NAALADL2: variants seen among roughly 807,000 people sequenced by gnomAD.
NAALADL2 encodes N-acetylated alpha-linked acidic dipeptidase like 2.
NAALADL2 carries 76 observed loss-of-function variants against 87.2 expected under a neutral mutation model. That is an observed-to-expected ratio of 0.87 (90% CI 0.72 to 1.05). The LOEUF (loss-of-function observed/expected upper bound fraction) is 1.05. Ranked by LOEUF, NAALADL2 falls within the 50% of genes least tolerant of loss-of-function variation. The probability of loss-of-function intolerance (pLI) is 0.00; values close to 1 mark genes in which losing one functional copy is unlikely to be tolerated. For synonymous variants in NAALADL2, 354 were observed against 331.0 expected, an observed-to-expected ratio of 1.07 and a Z score of -0.75; for missense variants, 1,089 against 945.8, an observed-to-expected ratio of 1.15 and a Z score of -1.99.
chr3:175,795,721 AAG>A (rs2108317057), intron 13 of NAALADL2, among the ~76,000 whole-genome samples: 1 of 141,704 alleles, frequency 7.1e-6, no homozygotes, highest in East Asian at 1.9e-4. Flanking sequence ...ATAAATAAAA[AAG>A]AACAGATTCT....
intron 9 of NAALADL2, among the ~76,000 whole-genome samples, chr3:175,574,892 G>C (rs1285739376): frequency 6.6e-6 from 1 of 151,980 alleles, no homozygotes; most frequent in Non-Finnish European, 1.5e-5. Context: ...TATGACACTT[G>C]ATGTTCTTAT....
At chr3:174,792,772 T>G (rs1193894902) in intron 3 of NAALADL2, among the ~76,000 whole-genome samples, 1 of 152,136 alleles carries the variant, frequency 6.6e-6, no homozygotes, top group Non-Finnish European at 1.5e-5. Context: ...TCTGACAGTA[T>G]TAAGAATACG....
rs566985182 is a variant in NAALADL2, at chr3:175,047,827, C to T, written c.44-48963C>T. ...TGCGAATTCCTGAATCTGATATTCACCTTTCATATATTCACAACTGGCAAA... is the reference window on the plus strand; with the variant it reads ...TGCGAATTCCTGAATCTGATATTCATCTTTCATATATTCACAACTGGCAAA... On this transcript the variant is annotated intron_variant, in intron 1 of 13. Transcript: ENST00000454872. Among the ~76,000 whole-genome samples, 37 of 152,312 alleles carry T rather than the reference C, an allele frequency of 2.4e-4. 1 individual carries two copies. Among genetic ancestry groups the T allele is most frequent in the African/African-American group, 8.9e-4 (37 of 41,570 alleles).
intron 4 of NAALADL2, among the ~76,000 whole-genome samples, chr3:175,276,188 A>G (rs1216882847): frequency 1.3e-5 from 2 of 149,378 alleles, no homozygotes; most frequent in African/African-American, 2.4e-5. Flanking sequence ...ATTTAAACAG[A>G]ATTAATCAAT....
intron 4 of NAALADL2, among the ~76,000 whole-genome samples, chr3:175,297,958 T>A (rs770357637): frequency 6.6e-6 from 1 of 152,180 alleles, no homozygotes; most frequent in Non-Finnish European, 1.5e-5. Flanking sequence ...GAAAAGTGGC[T>A]GAAAGGAGTT....
chr3:175,107,534 AAAC>A (rs1723408123), intron 2 of NAALADL2, among the ~76,000 whole-genome samples: 10 of 149,076 alleles, frequency 6.7e-5, no homozygotes, highest in South Asian at 4.2e-4. Flanking sequence ...ACACACACAC[AAAC>A]ACACACACAC....
intron 10 of NAALADL2, among the ~76,000 whole-genome samples, chr3:175,581,618 T>C (rs936504244): frequency 3.9e-5 from 6 of 152,188 alleles, no homozygotes; most frequent in African/African-American, 1.4e-4. Flanking sequence ...ACTTAATGAG[T>C]ATTAGTTTCC....
chr3:174,842,699 C>T (rs574402729), intron 3 of NAALADL2, among the ~76,000 whole-genome samples: 6 of 152,158 alleles, frequency 3.9e-5, no homozygotes, highest in South Asian at 2.1e-4. Flanking sequence ...ACTTGACATC[C>T]GGCTTGGTAC....
chr3:174,647,275 A>T (rs1723889826), intron 2 of NAALADL2, among the ~76,000 whole-genome samples: 4 of 152,166 alleles, frequency 2.6e-5, no homozygotes, highest in African/African-American at 9.7e-5. Flanking sequence ...TAATTATCAA[A>T]ACTGAGACTT....
intron 3 of NAALADL2, among the ~76,000 whole-genome samples, chr3:174,810,001 C>G (rs1403120093): frequency 6.6e-6 from 1 of 152,154 alleles, no homozygotes; most frequent in Non-Finnish European, 1.5e-5. Flanking sequence ...CCTGCTCCTG[C>G]TTTGCCTTCC....
intron 2 of NAALADL2, among the ~76,000 whole-genome samples, chr3:175,144,637 T>C (rs1381854113): frequency 6.6e-6 from 1 of 151,984 alleles, no homozygotes; most frequent in African/African-American, 2.4e-5. Context: ...GATCATGCTA[T>C]ATACAGAATT....
chr3:175,238,872 A>T (rs924559653), intron 3 of NAALADL2, among the ~76,000 whole-genome samples: 2 of 152,172 alleles, frequency 1.3e-5, no homozygotes, highest in African/African-American at 4.8e-5. Context: ...CAGAGCCATT[A>T]ACAAGTTCTT....
intron 9 of NAALADL2, among the ~76,000 whole-genome samples, chr3:175,478,414 C>G (rs1313879583): frequency 6.6e-6 from 1 of 151,926 alleles, no homozygotes; most frequent in Non-Finnish European, 1.5e-5. Flanking sequence ...ATGCATCCCT[C>G]CAGTTTACTA....
chr3:175,597,045 A>G (rs1722339640), intron 10 of NAALADL2, among the ~76,000 whole-genome samples: 1 of 152,040 alleles, frequency 6.6e-6, no homozygotes, highest in African/African-American at 2.4e-5. Context: ...TTGAGATTGT[A>G]TCCTCTTTAG....
In NAALADL2 at chr3:175,737,384, C is replaced by T; in HGVS notation, c.1975C>T (p.Gln659Ter). The change falls in exon 12 of 14, where the codon CAA (glutamine) becomes TAA (stop). Residue 659 changes from glutamine (Q) to a stop codon, truncating the protein, a stop_gained. Transcript: ENST00000454872. LOFTEE classifies it high-confidence loss of function. The part of the protein sequence containing the change: ...FNALDIALEV[Q>*]NNLKGDQPNT... ...TGCACTTGATATAGCTTTAGAAGTTCAAAACAACCTTAAAGGTAATTTTCC... is the reference window on the plus strand; with the variant it reads ...TGCACTTGATATAGCTTTAGAAGTTTAAAACAACCTTAAAGGTAATTTTCC... 6.3e-7 allele frequency: 1 copy of T among 1,599,182 alleles called. No homozygotes were observed. The highest frequency in any genetic ancestry group is 8.6e-7 in the Non-Finnish European group (1 of 1,167,770).
chr3:175,234,626 T>A (rs1407037572), intron 3 of NAALADL2, among the ~76,000 whole-genome samples: 1 of 152,186 alleles, frequency 6.6e-6, no homozygotes, highest in African/African-American at 2.4e-5. Flanking sequence ...ACATTTAAGA[T>A]TTGAAACACA....
intron 1 of NAALADL2, among the ~76,000 whole-genome samples, chr3:174,881,332 C>T (rs919333574): frequency 6.6e-6 from 1 of 151,998 alleles, no homozygotes; most frequent in Admixed American, 6.6e-5. Flanking sequence ...GGATTTTGAA[C>T]ATTTTGTGTT....
chr3:175,122,756 T>G (rs1187042492), intron 2 of NAALADL2, among the ~76,000 whole-genome samples: 1 of 151,894 alleles, frequency 6.6e-6, no homozygotes, highest in Non-Finnish European at 1.5e-5. Flanking sequence ...ACAATTTATA[T>G]GAACATTGTC....
Position 175,463,437 on chromosome 3 carries a change from C to T in NAALADL2, c.1271C>T (p.Thr424Ile). The change falls in exon 7 of 14, where the codon ACA (threonine) becomes ATA (isoleucine). Residue 424 changes from threonine to isoleucine, a missense_variant. Thr to Ile is a moderately conservative substitution (Grantham distance 89). Transcript: ENST00000454872. ...GTCAGCATGCAAGTTCAGACAGTCA[C>T]AAAATTGAAAACAGTTACTAATGTT... ...RVVSMQVQTVTKLKTVTNVVG... is the reference protein window; with the variant it reads ...RVVSMQVQTVIKLKTVTNVVG... 1 of 1,599,222 alleles carries T rather than the reference C, an allele frequency of 6.3e-7. No homozygotes were observed. Among genetic ancestry groups the T allele is most frequent in the South Asian group, 1.1e-5 (1 of 87,516 alleles).
Sources: gnomAD v4.1 joint callset for allele counts (sites outside exome capture counted in the v4.1 genomes callset) on GRCh38, gnomAD v4.1.1 for gene constraint, MANE v1.5 for transcripts, NCBI Gene and HGNC (gene_info 2026-07-23, HGNC 2026-07-21) for gene names.